RDX: variants seen among roughly 807,000 people sequenced by gnomAD.
RDX encodes radixin, also known as deafness, autosomal recessive 24.
RDX carries 32 observed loss-of-function variants against 83.7 expected under a neutral mutation model. The observed-to-expected ratio is 0.38, with a 90% CI of 0.29 to 0.51. RDX has a LOEUF of 0.51. RDX is among the 20% of genes least tolerant of loss of function. The probability of loss-of-function intolerance (pLI) is 0.87; values close to 1 mark genes in which losing one functional copy is unlikely to be tolerated. For synonymous variants in RDX, 229 were observed against 222.7 expected (o/e 1.03, Z -0.25); for missense variants, 600 against 689.9 (o/e 0.87, Z 1.46).
chr11:110,202,764 C>A (rs1298476715), intron 14 of RDX, among the ~76,000 whole-genome samples: 1 of 151,670 alleles, frequency 6.6e-6, no homozygotes, highest in Non-Finnish European at 1.5e-5. Flanking sequence ...CAAATGGCAG[C>A]AGATATATGA....
downstream of RDX, among the ~76,000 whole-genome samples, chr11:110,225,343 G>A (rs941522615): frequency 4.6e-5 from 7 of 152,228 alleles, no homozygotes; most frequent in East Asian, 3.9e-4. Flanking sequence ...ACTCATATCC[G>A]AAAAGGAATA....
At chr11:110,225,958 C>T (rs371294759), downstream of RDX, among the ~76,000 whole-genome samples, 4 of 150,692 alleles carry the variant, frequency 2.7e-5, no homozygotes, top group East Asian at 5.8e-4. Context: ...CCTAGCTACT[C>T]GGAAGGCTGA....
At chr11:110,228,545 T>C (rs912151745), downstream of RDX, among the ~76,000 whole-genome samples, 1 of 152,062 alleles carries the variant, frequency 6.6e-6, no homozygotes, top group Non-Finnish European at 1.5e-5. Flanking sequence ...AAGTTAGTAA[T>C]CCCTTAGACT....
chr11:110,261,577 T>C (rs1381295355), intron 5 of RDX, among the ~76,000 whole-genome samples: 1 of 152,136 alleles, frequency 6.6e-6, no homozygotes. Flanking sequence ...CATACTGGAA[T>C]AAGCCAATCA....
chr11:110,207,521 A>T (rs1159753758), intron 14 of RDX, among the ~76,000 whole-genome samples: 1 of 152,228 alleles, frequency 6.6e-6, no homozygotes, highest in East Asian at 1.9e-4. Flanking sequence ...CCTTAGGAGA[A>T]CATTAGTTTT....
intron 4 of RDX, 134 bp downstream of exon 4, chr11:110,264,645 A>G (rs1565322997): frequency 3.3e-6 from 2 of 612,232 alleles, no homozygotes; most frequent in African/African-American, 3.7e-5. Flanking sequence ...ATTTAAAAAA[A>G]CATGGTACCT....
chr11:110,199,211 G>A (rs78818726), intron 15 of RDX, among the ~76,000 whole-genome samples: 2,520 of 152,280 alleles, frequency 0.017, 88 homozygotes, highest in African/African-American at 0.055. Context: ...CAATGCTAGA[G>A]AGGGCTCTTT....
intron 11 of RDX, 136 bp downstream of exon 11, chr11:110,237,356 T>C: frequency 1.3e-6 from 1 of 771,242 alleles, no homozygotes; most frequent in Non-Finnish European, 2.0e-6. Context: ...TTGTCTACAT[T>C]TTGTTATTAA....
At chr11:110,290,444 C>T (rs1861188992) in intron 1 of RDX, among the ~76,000 whole-genome samples, 1 of 151,082 alleles carries the variant, frequency 6.6e-6, no homozygotes, top group African/African-American at 2.4e-5. Flanking sequence ...CCTGGGAGGT[C>T]AAGGTCACAG....
intron 14 of RDX, among the ~76,000 whole-genome samples, chr11:110,208,964 T>C (rs1270822339): frequency 6.6e-6 from 1 of 152,124 alleles, no homozygotes; most frequent in Non-Finnish European, 1.5e-5. Flanking sequence ...CTCAAAGTAA[T>C]ACTTTTAAAA....
At chr11:110,205,478 G>C (rs942286557) in intron 14 of RDX, among the ~76,000 whole-genome samples, 1 of 135,376 alleles carries the variant, frequency 7.4e-6, no homozygotes, top group Non-Finnish European at 1.6e-5. Flanking sequence ...AAAGAGACAA[G>C]GTAAGCCATG....
chr11:110,262,327 A>AT (rs1859838826), intron 5 of RDX, among the ~76,000 whole-genome samples: 1 of 152,128 alleles, frequency 6.6e-6, no homozygotes, highest in South Asian at 2.1e-4. Flanking sequence ...ACTCACGCCT[A>AT]TAATCCCAGC....
rs142910184 is a variant in RDX, at chr11:110,273,997, T to C, written c.13-1378A>G. Among the ~76,000 whole-genome samples, 164 of 145,222 alleles carry C rather than the reference T, an allele frequency of 1.1e-3. 2 individuals are homozygous for C. Among genetic ancestry groups the C allele is most frequent in the Non-Finnish European group, 1.9e-3 (125 of 65,592 alleles). On this transcript the variant is annotated intron_variant, in intron 2 of 13. Transcript: ENST00000645495. ...TTTTATCTAACTTTAACTCACACTA[T>C]AAAAACTCTAAATCAGACTTCTTAT...
At chr11:110,216,694 T>C (rs1343391441) in intron 14 of RDX, among the ~76,000 whole-genome samples, 1 of 151,840 alleles carries the variant, frequency 6.6e-6, no homozygotes, top group Non-Finnish European at 1.5e-5. Flanking sequence ...TTATTTTTAA[T>C]TTTTGTAGAG....
intron 14 of RDX, among the ~76,000 whole-genome samples, chr11:110,217,891 TTC>T (rs1864112703): frequency 7.8e-6 from 1 of 128,974 alleles, no homozygotes; most frequent in African/African-American, 3.4e-5. Flanking sequence ...TATTTAACTC[TTC>T]TGTTTCTTCC....
intron 9 of RDX, among the ~76,000 whole-genome samples, chr11:110,250,879 C>T (rs1228975019): frequency 6.6e-6 from 1 of 152,176 alleles, no homozygotes; most frequent in East Asian, 1.9e-4. Flanking sequence ...AATACAAATG[C>T]CTTCAGCCCT....
chr11:110,244,240 T>G (rs1414338358), intron 10 of RDX, among the ~76,000 whole-genome samples: 1 of 151,666 alleles, frequency 6.6e-6, no homozygotes. Context: ...TGGACGCCTG[T>G]AATCCCAGCT....
At chr11:110,180,555 C>T (rs896941682) in intron 15 of RDX, among the ~76,000 whole-genome samples, 11 of 152,188 alleles carry the variant, frequency 7.2e-5, no homozygotes, top group African/African-American at 1.7e-4. Context: ...TGGTCACCCT[C>T]GTGAAGCTGT....
At chr11:110,250,934 T>A (rs1187600493) in intron 9 of RDX, among the ~76,000 whole-genome samples, 1 of 152,208 alleles carries the variant, frequency 6.6e-6, no homozygotes, top group East Asian at 1.9e-4. Flanking sequence ...CTGTCTTGTC[T>A]CCTTTATGAA....
Sources: gnomAD v4.1 joint callset for allele counts (sites outside exome capture counted in the v4.1 genomes callset) on GRCh38, gnomAD v4.1.1 for gene constraint, MANE v1.5 for transcripts, NCBI Gene and HGNC (gene_info 2026-07-23, HGNC 2026-07-21) for gene names.